Variants in SDK2 observed in about 807,000 individuals in gnomAD.
SDK2 encodes sidekick cell adhesion molecule 2.
In SDK2, 105 loss-of-function variants were observed where a neutral mutation model predicts 253.9. The ratio of observed to expected loss-of-function variants is 0.41; its 90% CI spans 0.35 to 0.49. The LOEUF (loss-of-function observed/expected upper bound fraction) is 0.49, where lower values mean the gene tolerates loss of function less well. Ranked by LOEUF, SDK2 falls within the 20% of genes least tolerant of loss-of-function variation. The pLI is 0.06. For synonymous variants in SDK2, 1,249 were observed against 1,234.9 expected (o/e 1.01, Z -0.24); for missense variants, 2,608 against 3,003.0 (o/e 0.87, Z 3.07).
At chr17:73,551,561 C>G (rs973146823) in intron 1 of SDK2, among the ~76,000 whole-genome samples, 6 of 152,182 alleles carry the variant, frequency 3.9e-5, no homozygotes, top group Non-Finnish European at 7.3e-5. Context: ...GCCATTCTTC[C>G]ACCTTTTTCT....
chr17:73,422,239 G>A (rs1003884572), intron 15 of SDK2, 48 bp downstream of exon 15: 1 of 1,601,394 alleles, frequency 6.2e-7, no homozygotes, highest in African/African-American at 1.3e-5. Flanking sequence ...TGCAGCCCCT[G>A]CCTGTTGGAG....
At chr17:73,414,192 C>T (rs574143381) in intron 18 of SDK2, among the ~76,000 whole-genome samples, 8 of 151,876 alleles carry the variant, frequency 5.3e-5, no homozygotes, top group South Asian at 2.1e-4. Flanking sequence ...GGATTACAGG[C>T]GCCCCTGCCA....
intron 18 of SDK2, among the ~76,000 whole-genome samples, chr17:73,408,769 G>C (rs889503094): frequency 1.3e-5 from 2 of 151,984 alleles, no homozygotes; most frequent in Non-Finnish European, 2.9e-5. Context: ...GATCGACTGA[G>C]ACCTAAAAAA....
chr17:73,472,054 G>A, intron 3 of SDK2, 58 bp downstream of exon 3: 1 of 1,245,626 alleles, frequency 8.0e-7, no homozygotes, highest in Non-Finnish European at 1.1e-6. Flanking sequence ...TGTGGCTGGT[G>A]GGTGCCACTC....
chr17:73,379,604 A>C lies in SDK2; in HGVS notation c.4763-55T>G. 1.8e-6 allele frequency: 2 copies of C among 1,128,920 alleles called. No individual in the cohort carries two copies. The highest frequency in any genetic ancestry group is 3.9e-5 in the Admixed American group (2 of 51,276). 69.9% of individuals were successfully genotyped at this position (1,128,920 alleles called of 1,614,324 possible). On this transcript the variant is annotated intron_variant, in intron 34 of 44. Transcript: ENST00000392650. This position sits in a 1 kb window ranked among gnomAD's most constrained non-coding sequence, Gnocchi z 4.5. ...CACTGAGGTCACCGTCATTGCTGGG[A>C]AGGTGTCCCCAGGGAGGGTGGAGGC...
At chr17:73,565,687 A>G (rs2145858429) in intron 1 of SDK2, among the ~76,000 whole-genome samples, 1 of 152,380 alleles carries the variant, frequency 6.6e-6, no homozygotes, top group African/African-American at 2.4e-5. Flanking sequence ...TGGAAATGCG[A>G]TCTCCAGTGT....
intron 2 of SDK2, among the ~76,000 whole-genome samples, chr17:73,489,836 C>G (rs1415610939): frequency 6.6e-6 from 1 of 152,132 alleles, no homozygotes. Context: ...TCTATTTCAA[C>G]CTAGGTAGAG....
intron 1 of SDK2, among the ~76,000 whole-genome samples, chr17:73,573,086 G>A (rs1378227070): frequency 6.6e-6 from 1 of 152,174 alleles, no homozygotes; most frequent in Non-Finnish European, 1.5e-5. Flanking sequence ...CTCCTTGGAG[G>A]CTGATGACCT....
At chr17:73,523,405 T>G (rs2064099075) in intron 1 of SDK2, among the ~76,000 whole-genome samples, 1 of 152,046 alleles carries the variant, frequency 6.6e-6, no homozygotes, top group Admixed American at 6.6e-5. Context: ...CCCGTGGTTG[T>G]GATCTTATTT....
rs1469771243 is a variant in SDK2 at position 73,438,067 on chromosome 17, G to A, written c.813C>T (p.Ile271=). 4 of 1,551,600 alleles carry A rather than the reference G, an allele frequency of 2.6e-6. No homozygotes were observed. Among genetic ancestry groups the A allele is most frequent in the Non-Finnish European group, 3.5e-6 (4 of 1,147,022 alleles). The change falls in exon 7 of 45, where the codon ATC becomes ATT. Residue 271 remains isoleucine, a synonymous_variant. Coordinates refer to ENST00000392650, the MANE Select transcript of SDK2 (RefSeq NM_001144952.2). Reference sequence around the variant, plus strand: ...CGGCGTCACTGCCGGTGGGGTTGGGGATGGTGAGCCGGCGGTTGTGGTCAC... The same window carrying A: ...CGGCGTCACTGCCGGTGGGGTTGGGAATGGTGAGCCGGCGGTTGTGGTCAC... ...GISDHNRRLT[I]PNPTGSDAGY... is the part of the protein sequence containing the mutation.
chr17:73,391,620 G>T, intron 27 of SDK2, 82 bp from the exon 28 acceptor site: 1 of 685,862 alleles, frequency 1.5e-6, no homozygotes, highest in Non-Finnish European at 2.1e-6. Flanking sequence ...AGAGCAGCCT[G>T]GCAGGGTGGA....
rs1165831961 is a variant in SDK2 at position 73,609,448 on chromosome 17, A to G, written c.64+34577T>C. ...AGTCGCAGGGCTGAGAACCAGCCCC[A>G]GCAGAGCAGCTTCAGTGGAAGCCCG... On this transcript the variant is annotated intron_variant, in intron 1 of 44. Coordinates refer to ENST00000392650, the MANE Select transcript of SDK2 (RefSeq NM_001144952.2). This position sits in a 1 kb window ranked among gnomAD's most constrained non-coding sequence, Gnocchi z 4.4. 6.6e-6 allele frequency among the ~76,000 whole-genome samples: 1 copy of G among 152,216 alleles called. No homozygotes were observed. The highest frequency in any genetic ancestry group is 1.5e-5 in the Non-Finnish European group (1 of 68,034).
chr17:73,615,743 G>A lies in SDK2; in HGVS notation c.64+28282C>T, dbSNP rs578072306. ...GGTCCGACAGCCCACTGGAGGCCAC[G>A]TTTTTAAACCAGAGTCATGTGAAAT... On this transcript the variant is annotated intron_variant, in intron 1 of 44. Transcript: ENST00000392650. Among the ~76,000 whole-genome samples, 7 of 152,278 alleles carry A rather than the reference G, an allele frequency of 4.6e-5. No homozygotes were observed. In the East Asian group the frequency reaches 1.4e-3, roughly 29 times the overall value.
rs375829412 is a variant in SDK2, at chr17:73,423,984, G to A, written c.1692C>T (p.Ile564=). 31 of 1,609,238 alleles carry A rather than the reference G, an allele frequency of 1.9e-5. No individual in the cohort carries two copies. Among genetic ancestry groups the A allele is most frequent in the Non-Finnish European group, 2.6e-5 (31 of 1,178,262 alleles). Residue 564 remains isoleucine (I), a synonymous_variant, in exon 13 of 45, where the codon ATC becomes ATT. Transcript: ENST00000392650. The part of the protein sequence containing the change: ...LHISQTWSGD[I]GTYTCRVISA... ...AGATCACCCGGCAGGTGTACGTGCC[G>A]ATGTCTCCCGACCACGTCTGTGAGA...
At chr17:73,390,077 A>C (rs2145495092) in intron 29 of SDK2, among the ~76,000 whole-genome samples, 1 of 152,338 alleles carries the variant, frequency 6.6e-6, no homozygotes, top group Admixed American at 6.5e-5. Flanking sequence ...AGACCAGACC[A>C]GAGTAGGGTC....
chr17:73,408,249 G>A (rs1275776750), intron 18 of SDK2, among the ~76,000 whole-genome samples: 4 of 146,202 alleles, frequency 2.7e-5, no homozygotes, highest in African/African-American at 5.1e-5. Context: ...ATGGAGTCTC[G>A]CTCTGTCACC....
chr17:73,491,129 G>A (rs1191596482), intron 2 of SDK2, among the ~76,000 whole-genome samples: 2 of 152,146 alleles, frequency 1.3e-5, no homozygotes, highest in African/African-American at 2.4e-5. Context: ...AGGCATAGTC[G>A]GCAATCTTTA....
intron 2 of SDK2, among the ~76,000 whole-genome samples, chr17:73,488,108 T>C (rs1027190001): frequency 1.2e-4 from 18 of 152,142 alleles, no homozygotes; most frequent in African/African-American, 4.1e-4. Flanking sequence ...CTCTGCCTCC[T>C]GGGTTCACGC....
At chr17:73,587,785 C>T (rs2045622441) in intron 1 of SDK2, among the ~76,000 whole-genome samples, 1 of 152,220 alleles carries the variant, frequency 6.6e-6, no homozygotes, top group South Asian at 2.1e-4. Flanking sequence ...CCTGAACTGG[C>T]TTCTCCTTTC....
Sources: gnomAD v4.1 joint callset for allele counts (sites outside exome capture counted in the v4.1 genomes callset) on GRCh38, gnomAD v4.1.1 for gene constraint, Gnocchi (gnomAD v3.1) non-coding constraint, MANE v1.5 for transcripts, NCBI Gene and HGNC (gene_info 2026-07-23, HGNC 2026-07-21) for gene names.